Variants in ACO2 observed in about 807,000 individuals in gnomAD.
The protein encoded by ACO2 is aconitate hydratase, mitochondrial.
Under a neutral mutation model 84.5 loss-of-function variants are expected in ACO2, and 31 were observed. The ratio of observed to expected loss-of-function variants is 0.37; its 90% CI spans 0.28 to 0.50. The LOEUF (loss-of-function observed/expected upper bound fraction) is 0.50, where lower values mean the gene tolerates loss of function less well. Among genes scored for constraint, ACO2 ranks in the 20% least tolerant of loss-of-function variants. The pLI is 0.97. For synonymous variants in ACO2, 414 were observed against 412.7 expected (o/e 1.00, Z -0.04); for missense variants, 685 against 1,029.3 (o/e 0.67, Z 4.58).
At position 41,499,787 on chromosome 22, in the gene ACO2, C is replaced by T. The variant is rs749611259; in HGVS notation, c.98C>T (p.Ala33Val). ...ASVLCQRAKV[A>V]MSHFEPNEYI... ...GTCCTGTGCCAACGGGCCAAGGTGG[C>T]GATGAGCCACTTTGAGCCCAACGAG... Residue 33 changes from alanine (A) to valine (V), a missense_variant, in exon 2 of 18, where the codon GCG becomes GTG. Physicochemically the swap from Ala to Val is moderately conservative, Grantham distance 64. Coordinates refer to ENST00000216254, the MANE Select transcript of ACO2 (RefSeq NM_001098.3). 4.3e-6 allele frequency: 7 copies of T among 1,613,864 alleles called. No homozygotes were observed. The African/African-American group carries it at 5.3e-5, about 12-fold the overall frequency.
intron 1 of ACO2, among the ~76,000 whole-genome samples, chr22:41,498,951 A>T (rs2066334280): frequency 6.6e-6 from 1 of 151,876 alleles, no homozygotes; most frequent in African/African-American, 2.4e-5. Context: ...AAAATTAGAC[A>T]GGCATGGTGG....
chr22:41,528,734 G>T lies in ACO2; in HGVS notation c.*121G>T. On this transcript the variant is annotated 3_prime_UTR_variant, in exon 18 of 18. Transcript: ENST00000216254. ...GATGGTGTGACCAGACATGCTTCCT[G>T]CTCCCCGCTTAGCCCACGGAGTGAC... 7.2e-7 allele frequency: 1 copy of T among 1,387,766 alleles called. No homozygotes were observed. Among genetic ancestry groups the T allele is most frequent in the Non-Finnish European group, 9.6e-7 (1 of 1,039,746 alleles). 86.0% of individuals were successfully genotyped at this position (1,387,766 alleles called of 1,614,324 possible).
Position 41,520,270 on chromosome 22 carries a change from C to A in ACO2, c.1132C>A (p.Arg378=). 2 of 1,613,582 alleles carry A rather than the reference C, an allele frequency of 1.2e-6. No individual in the cohort carries two copies. Among genetic ancestry groups the A allele is most frequent in the Non-Finnish European group, 1.7e-6 (2 of 1,179,664 alleles). Reference sequence around the variant, plus strand: ...GAAGGAAGGATGGCCTCTGGACATCCGAGTGGGTGAGCACCTTCCACCCCA... The same window carrying A: ...GAAGGAAGGATGGCCTCTGGACATCAGAGTGGGTGAGCACCTTCCACCCCA... ...AEKEGWPLDI[R]VGLIGSCTNS... The change falls in exon 9 of 18, where the codon CGA becomes AGA. Residue 378 remains arginine (R), a synonymous_variant. Transcript: ENST00000216254.
chr22:41,497,362 C>T (rs753698177), intron 1 of ACO2, among the ~76,000 whole-genome samples: 1 of 152,286 alleles, frequency 6.6e-6, no homozygotes. Context: ...AACCACTGCA[C>T]CCGGCCTCTT....
intron 3 of ACO2, among the ~76,000 whole-genome samples, chr22:41,510,975 C>T (rs1270314948): frequency 6.6e-6 from 1 of 152,150 alleles, no homozygotes; most frequent in Non-Finnish European, 1.5e-5. Flanking sequence ...AGCCTGGGAT[C>T]TCCAGCAAGT....
intron 2 of ACO2, among the ~76,000 whole-genome samples, chr22:41,506,692 G>T (rs1274142891): frequency 6.6e-6 from 1 of 152,128 alleles, no homozygotes; most frequent in Non-Finnish European, 1.5e-5. Flanking sequence ...CCCCAGGTCA[G>T]GGTTAAACTC....
intron 1 of ACO2, among the ~76,000 whole-genome samples, chr22:41,474,356 C>T (rs1230562073): frequency 2.7e-5 from 4 of 145,634 alleles, no homozygotes; most frequent in African/African-American, 7.8e-5. Flanking sequence ...TGCAGTGGCG[C>T]GATCTCGGCT....
At chr22:41,506,199 C>T (rs549991662) in intron 2 of ACO2, among the ~76,000 whole-genome samples, 25 of 151,992 alleles carry the variant, frequency 1.6e-4, no homozygotes, top group East Asian at 3.9e-4. Flanking sequence ...GTGATCCTCC[C>T]GCCTCAGCCT....
At chr22:41,526,479 G>A (rs745811060) in intron 15 of ACO2, 26 bp downstream of exon 15, 1 of 1,599,662 alleles carries the variant, frequency 6.3e-7, no homozygotes, top group South Asian at 1.1e-5. Context: ...TAGGGGCAAT[G>A]CCAGTGGTCA....
intron 1 of ACO2, among the ~76,000 whole-genome samples, chr22:41,489,764 G>A (rs899811751): frequency 3.3e-5 from 5 of 151,730 alleles, no homozygotes; most frequent in African/African-American, 9.7e-5. Flanking sequence ...TGATCTCTGG[G>A]TTAAAATGGT....
In ACO2 at chr22:41,486,608, G is replaced by T. The variant is rs563610326; in HGVS notation, c.37-13118G>T. Among the ~76,000 whole-genome samples the T allele has an allele frequency of 1.5e-3, 218 of 149,452 alleles. 1 individual carries two copies. Among genetic ancestry groups the T allele is most frequent in the African/African-American group, 5.0e-3 (203 of 40,622 alleles). ...ACCTCAGCCTCCCAAGTAGCTGGGAGTACAGGCACCCGCCACCGTGCCCGG... is the reference window on the plus strand; with the variant it reads ...ACCTCAGCCTCCCAAGTAGCTGGGATTACAGGCACCCGCCACCGTGCCCGG... On this transcript the variant is annotated intron_variant, in intron 1 of 17. Coordinates refer to ENST00000216254, the MANE Select transcript of ACO2 (RefSeq NM_001098.3).
chr22:41,502,530 C>T (rs957844431), intron 2 of ACO2, among the ~76,000 whole-genome samples: 6 of 152,212 alleles, frequency 3.9e-5, no homozygotes, highest in African/African-American at 1.4e-4. Context: ...ATAGATTTTT[C>T]TTTACTCTGT....
chr22:41,522,420 G>A (rs2066534247), intron 9 of ACO2, among the ~76,000 whole-genome samples: 2 of 152,136 alleles, frequency 1.3e-5, no homozygotes, highest in African/African-American at 2.4e-5. Context: ...AACTCTTATT[G>A]CCCTGATTAT....
Position 41,507,960 on chromosome 22 carries a change from C to T in ACO2, c.343C>T (p.Leu115=), listed in dbSNP as rs1257044658. 1.2e-6 allele frequency: 2 copies of T among 1,614,252 alleles called. No homozygotes were observed. The highest frequency in any genetic ancestry group is 1.3e-5 in the African/African-American group (1 of 75,076). ...MAMLQFISSG[L]SKVAVPSTIH... ...CATGCTCCAGTTCATCAGCAGCGGG[C>T]TGTCCAAGGTGGCTGTGCCATCCAC... is the stretch of plus-strand genomic sequence containing the variant. Residue 115 remains leucine, a synonymous_variant, in exon 3 of 18, where the codon CTG becomes TTG. Coordinates refer to ENST00000216254, the MANE Select transcript of ACO2 (RefSeq NM_001098.3).
At chr22:41,520,333 G>A (rs1322594153) in intron 9 of ACO2, 57 bp downstream of exon 9, 27 of 1,419,066 alleles carry the variant, frequency 1.9e-5, no homozygotes, top group Non-Finnish European at 2.6e-5. Context: ...GCTCTGCCCA[G>A]GGCTGTAGAC....
chr22:41,507,453 G>C (rs2146115188), intron 2 of ACO2, among the ~76,000 whole-genome samples: 1 of 152,284 alleles, frequency 6.6e-6, no homozygotes, highest in East Asian at 1.9e-4. Flanking sequence ...CAGGAATGAT[G>C]AGATATGCAT....
chr22:41,493,545 GT>G (rs2066289870), intron 1 of ACO2, among the ~76,000 whole-genome samples: 1 of 152,120 alleles, frequency 6.6e-6, no homozygotes, highest in Non-Finnish European at 1.5e-5. Flanking sequence ...TTACTTTTTT[GT>G]TGCAATGAGC....
intron 9 of ACO2, among the ~76,000 whole-genome samples, chr22:41,520,815 C>G (rs2066518635): frequency 6.7e-6 from 1 of 150,096 alleles, no homozygotes; most frequent in Non-Finnish European, 1.5e-5. Flanking sequence ...GCACTCCAGC[C>G]TGGGTGACAG....
chr22:41,476,728 A>C lies in ACO2; in HGVS notation c.36+7546A>C, dbSNP rs936678745. ...CTGTCTCAAAAACAAAACAAAACAA[A>C]AAAACAAAAAAACACACACACTGCA... is the stretch of plus-strand genomic sequence containing the variant. On this transcript the variant is annotated intron_variant, in intron 1 of 17. Transcript: ENST00000216254. Among the ~76,000 whole-genome samples the C allele has an allele frequency of 2.0e-5, 3 of 152,256 alleles. No individual in the cohort carries two copies. The South Asian group carries it at 6.2e-4, about 32-fold the overall frequency.
Sources: gnomAD v4.1 joint callset for allele counts (sites outside exome capture counted in the v4.1 genomes callset) on GRCh38, gnomAD v4.1.1 for gene constraint, MANE v1.5 for transcripts, NCBI Gene and HGNC (gene_info 2026-07-23, HGNC 2026-07-21) for gene names.